Variants in ADK observed in about 807,000 individuals in gnomAD.
ADK encodes the protein N6,N6-dimethyladenosine kinase.
In ADK, 24 loss-of-function variants were observed where a neutral mutation model predicts 44.7. That is an observed-to-expected ratio of 0.54 (90% CI 0.39 to 0.76). The LOEUF (loss-of-function observed/expected upper bound fraction) is 0.76, where lower values mean the gene tolerates loss of function less well. Among genes scored for constraint, ADK ranks in the 30% least tolerant of loss-of-function variants. The probability of loss-of-function intolerance (pLI) is 0.00; values close to 1 mark genes in which losing one functional copy is unlikely to be tolerated. For synonymous variants in ADK, 128 were observed against 142.6 expected (o/e 0.90, Z 0.73); for missense variants, 321 against 425.1 (o/e 0.76, Z 2.15).
At chr10:74,542,811 T>G (rs1293207642) in intron 7 of ADK, among the ~76,000 whole-genome samples, 1 of 152,172 alleles carries the variant, frequency 6.6e-6, no homozygotes, top group Non-Finnish European at 1.5e-5. Context: ...CTTAGCTTTT[T>G]TTCAATCAAG....
In ADK at chr10:74,219,926, C is replaced by T. The variant is rs577424588; in HGVS notation, c.141-4612C>T. 4.2e-4 allele frequency among the ~76,000 whole-genome samples: 60 copies of T among 144,508 alleles called. No homozygotes were observed. The East Asian group carries it at 0.011, about 27-fold the overall frequency. The allele number at this position is 144,508 out of a possible 152,430, so 94.8% of individuals were successfully genotyped here. On this transcript the variant is annotated intron_variant, in intron 2 of 10. Transcript: ENST00000539909. ...CCCACAAGAGAAAGCAGGAAAGATCCAAAATTTACACCCTAACATCACAAT... is the reference window on the plus strand; with the variant it reads ...CCCACAAGAGAAAGCAGGAAAGATCTAAAATTTACACCCTAACATCACAAT...
chr10:74,304,499 T>C (rs999392006), intron 3 of ADK, among the ~76,000 whole-genome samples: 2 of 152,202 alleles, frequency 1.3e-5, no homozygotes, highest in African/African-American at 4.8e-5. Context: ...TCTGTGTTAA[T>C]CGAAAATTTA....
intron 2 of ADK, among the ~76,000 whole-genome samples, chr10:74,219,422 A>T (rs200549330): frequency 6.6e-6 from 1 of 152,034 alleles, no homozygotes. Context: ...TAATAATGGG[A>T]GACTTTAACA....
At chr10:74,426,054 A>G (rs745462475) in intron 6 of ADK, among the ~76,000 whole-genome samples, 7 of 152,210 alleles carry the variant, frequency 4.6e-5, no homozygotes, top group Admixed American at 1.3e-4. Flanking sequence ...GAGAATATTA[A>G]AACACCCATA....
intron 7 of ADK, among the ~76,000 whole-genome samples, chr10:74,558,519 C>T (rs1350499311): frequency 6.6e-6 from 1 of 152,176 alleles, no homozygotes. Flanking sequence ...GTTTCCTGCT[C>T]GTGCTCTCTG....
rs545017626 is a variant in ADK, at chr10:74,579,305, A to AAT, written c.727-9976_727-9975dup. Among the ~76,000 whole-genome samples, 411 of 152,236 alleles carry AAT rather than the reference A, an allele frequency of 2.7e-3. 4 individuals are homozygous for AAT. The highest frequency in any genetic ancestry group is 9.4e-3 in the African/African-American group (392 of 41,526). ...TCTGATCAAGTGGTCTTGTCCAAAA[A>AAT]ATGTCCTGATACATTTTTTTAAACT... On this transcript the variant is annotated intron_variant, in intron 7 of 10. Coordinates refer to ENST00000539909, the MANE Select transcript of ADK (RefSeq NM_006721.4).
intron 3 of ADK, among the ~76,000 whole-genome samples, chr10:74,250,098 A>T (rs1180652841): frequency 6.6e-6 from 1 of 152,178 alleles, no homozygotes; most frequent in Non-Finnish European, 1.5e-5. Context: ...TGTACTAGAA[A>T]TGCAGAGATG....
At chr10:74,498,957 AC>A (rs2133438342) in intron 6 of ADK, among the ~76,000 whole-genome samples, 1 of 152,352 alleles carries the variant, frequency 6.6e-6, no homozygotes, top group Admixed American at 6.5e-5. Flanking sequence ...TATCACAAGG[AC>A]AAAAAACTCT....
chr10:74,367,178 T>A (rs1714062289), intron 4 of ADK, among the ~76,000 whole-genome samples: 1 of 152,224 alleles, frequency 6.6e-6, no homozygotes, highest in Non-Finnish European at 1.5e-5. Flanking sequence ...TGATCATTGT[T>A]GCACTATACA....
intron 1 of ADK, among the ~76,000 whole-genome samples, chr10:74,188,343 A>ATTTTTT (rs765922880): frequency 1.5e-4 from 12 of 81,360 alleles, no homozygotes; most frequent in East Asian, 6.5e-4. Flanking sequence ...TGTATTTTTA[A>ATTTTTT]TTTTTTTTTT....
At chr10:74,504,108 A>T (rs1042562942) in intron 6 of ADK, among the ~76,000 whole-genome samples, 1 of 152,230 alleles carries the variant, frequency 6.6e-6, no homozygotes, top group African/African-American at 2.4e-5. Context: ...CTGTGCACTG[A>T]CACCCCAGGG....
At chr10:74,515,696 C>T (rs1187940746) in intron 6 of ADK, among the ~76,000 whole-genome samples, 1 of 152,170 alleles carries the variant, frequency 6.6e-6, no homozygotes, top group African/African-American at 2.4e-5. Flanking sequence ...TCTGCTGGCC[C>T]TGGGCCATAT....
At position 74,355,266 on chromosome 10, in the gene ADK, G is replaced by A. The variant is rs143475077; in HGVS notation, c.274-38875G>A. Among the ~76,000 whole-genome samples the A allele has an allele frequency of 2.2e-3, 334 of 152,292 alleles. 2 individuals are homozygous for A. The highest frequency in any genetic ancestry group is 7.6e-3 in the African/African-American group (316 of 41,562). On this transcript the variant is annotated intron_variant, in intron 4 of 10. Transcript: ENST00000539909. Reference sequence around the variant, plus strand: ...AAACCAACTATTAGTAAAGATACTTGCTTCCTAATCAAGATTACTTGGAAT... The same window carrying A: ...AAACCAACTATTAGTAAAGATACTTACTTCCTAATCAAGATTACTTGGAAT...
At chr10:74,292,577 T>A (rs1350547298) in intron 3 of ADK, among the ~76,000 whole-genome samples, 1 of 152,194 alleles carries the variant, frequency 6.6e-6, no homozygotes, top group African/African-American at 2.4e-5. Flanking sequence ...ATCTTTCCTC[T>A]AAAACCTGTT....
intron 10 of ADK, among the ~76,000 whole-genome samples, chr10:74,685,343 T>C (rs1855749112): frequency 6.6e-6 from 1 of 152,218 alleles, no homozygotes; most frequent in South Asian, 2.1e-4. Flanking sequence ...ATAAAAATTA[T>C]GATATCTCTG....
At chr10:74,687,766 G>A (rs1186950560) in intron 10 of ADK, among the ~76,000 whole-genome samples, 3 of 152,092 alleles carry the variant, frequency 2.0e-5, no homozygotes, top group Non-Finnish European at 2.9e-5. Flanking sequence ...TTTTGATTCC[G>A]CTTTAAGGAT....
chr10:74,298,321 TG>T (rs1367969858), intron 3 of ADK, among the ~76,000 whole-genome samples: 3 of 152,234 alleles, frequency 2.0e-5, no homozygotes, highest in African/African-American at 7.2e-5. Context: ...ATGACCCATT[TG>T]TTAGCAAAGC....
chr10:74,197,709 A>AG (rs1471874384), intron 1 of ADK, among the ~76,000 whole-genome samples: 1 of 82,664 alleles, frequency 1.2e-5, no homozygotes, highest in African/African-American at 3.6e-5. Flanking sequence ...AAAAAAAAAA[A>AG]AGAAAAAAAA....
chr10:74,408,175 T>C (rs1318507661), intron 6 of ADK, among the ~76,000 whole-genome samples: 1 of 150,522 alleles, frequency 6.6e-6, no homozygotes, highest in African/African-American at 2.5e-5. Flanking sequence ...TTTTTTTTAG[T>C]TGAGATGAGG....
Sources: allele counts gnomAD v4.1 joint callset (sites outside exome capture counted in the v4.1 genomes callset), GRCh38; gene constraint gnomAD v4.1.1; transcripts MANE v1.5; gene names NCBI Gene and HGNC (gene_info 2026-07-23, HGNC 2026-07-21).